Variants in ELMO1 observed in about 807,000 individuals in gnomAD.
ELMO1 encodes engulfment and cell motility 1.
In ELMO1, 26 loss-of-function variants were observed where a neutral mutation model predicts 98.9. The ratio of observed to expected loss-of-function variants is 0.26; its 90% CI spans 0.19 to 0.36. The LOEUF (loss-of-function observed/expected upper bound fraction) is 0.36. Ranked by LOEUF, ELMO1 falls within the 10% of genes least tolerant of loss-of-function variation. The probability of loss-of-function intolerance (pLI) is 1.00; values close to 1 mark genes in which losing one functional copy is unlikely to be tolerated. For missense variants in ELMO1, 627 were observed against 935.2 expected (o/e 0.67, Z 4.30); for synonymous variants, 346 against 346.0 (o/e 1.00, Z 0.00).
At chr7:37,413,953 G>A (rs1339429641) in intron 1 of ELMO1, among the ~76,000 whole-genome samples, 1 of 152,076 alleles carries the variant, frequency 6.6e-6, no homozygotes, top group Non-Finnish European at 1.5e-5. Flanking sequence ...GCTGGGATTA[G>A]GGATGTTAGC....
intron 16 of ELMO1, among the ~76,000 whole-genome samples, chr7:36,937,702 G>A (rs1366173511): frequency 6.6e-6 from 1 of 152,204 alleles, no homozygotes; most frequent in Non-Finnish European, 1.5e-5. Flanking sequence ...AATAGTGTAT[G>A]CTACTGCTAA....
Position 36,928,871 on chromosome 7 carries a change from C to A in ELMO1, c.1438-33854G>T, listed in dbSNP as rs147747904. Among the ~76,000 whole-genome samples, 404 of 152,290 alleles carry A rather than the reference C, an allele frequency of 2.7e-3. 2 individuals carry two copies. The highest frequency in any genetic ancestry group is 9.2e-3 in the African/African-American group (382 of 41,562). ...GAATGTACTAAAGTGTGGCATATGA[C>A]ACACAAAGAGCTGCACAGCACGTGC... is the stretch of plus-strand genomic sequence containing the variant. On this transcript the variant is annotated intron_variant, in intron 16 of 21. Transcript: ENST00000310758.
At chr7:36,927,381 T>G (rs1002777594) in intron 16 of ELMO1, among the ~76,000 whole-genome samples, 5 of 152,214 alleles carry the variant, frequency 3.3e-5, no homozygotes, top group Admixed American at 2.6e-4. Context: ...TTCTCGAACT[T>G]GTTGGGCGAC....
At chr7:37,316,858 T>G (rs1364100474) in intron 2 of ELMO1, among the ~76,000 whole-genome samples, 1 of 152,062 alleles carries the variant, frequency 6.6e-6, no homozygotes, top group East Asian at 1.9e-4. Flanking sequence ...TATAAGCAGG[T>G]TTTACTCCTG....
At chr7:37,064,266 C>A (rs79393704) in intron 15 of ELMO1, among the ~76,000 whole-genome samples, 1 of 152,164 alleles carries the variant, frequency 6.6e-6, no homozygotes, top group Non-Finnish European at 1.5e-5. Context: ...CATTGACTCC[C>A]CTCATGCTAG....
intron 1 of ELMO1, among the ~76,000 whole-genome samples, chr7:37,362,299 G>C (rs1801730773): frequency 6.6e-6 from 1 of 151,938 alleles, no homozygotes; most frequent in South Asian, 2.1e-4. Flanking sequence ...TATGCTTCTA[G>C]GTATTGAGCA....
intron 2 of ELMO1, among the ~76,000 whole-genome samples, chr7:37,325,816 G>C (rs76109828): frequency 0.022 from 3,341 of 152,314 alleles, 119 homozygotes; most frequent in African/African-American, 0.075. Context: ...ACACCACTGA[G>C]AGAGGATAGC....
At chr7:36,899,494 G>A (rs938419257) in intron 16 of ELMO1, among the ~76,000 whole-genome samples, 5 of 152,060 alleles carry the variant, frequency 3.3e-5, no homozygotes, top group Admixed American at 1.3e-4. Context: ...CTTCAAGCAT[G>A]AAAGAAAACA....
At chr7:37,247,177 T>C (rs1795058907) in intron 6 of ELMO1, among the ~76,000 whole-genome samples, 1 of 152,206 alleles carries the variant, frequency 6.6e-6, no homozygotes. Flanking sequence ...ATTTGAAGCA[T>C]ACACATAGAC....
At chr7:36,892,816 T>C (rs2129053966) in intron 17 of ELMO1, among the ~76,000 whole-genome samples, 1 of 152,322 alleles carries the variant, frequency 6.6e-6, no homozygotes, top group East Asian at 1.9e-4. Context: ...TTTGTGACTT[T>C]GCTGCAGCTA....
chr7:37,027,716 G>A (rs1794659572), intron 15 of ELMO1, among the ~76,000 whole-genome samples: 1 of 152,112 alleles, frequency 6.6e-6, no homozygotes, highest in Non-Finnish European at 1.5e-5. Flanking sequence ...AAGGTTGTGA[G>A]TGGAACACAG....
intron 6 of ELMO1, among the ~76,000 whole-genome samples, chr7:37,251,593 A>C (rs1795351663): frequency 1.3e-5 from 2 of 152,192 alleles, no homozygotes; most frequent in African/African-American, 2.4e-5. Flanking sequence ...AAATAATAAG[A>C]GCTATTTATG....
chr7:37,217,683 C>G (rs183042497), intron 10 of ELMO1: 1 of 456,768 alleles, frequency 2.2e-6, no homozygotes, highest in Non-Finnish European at 4.4e-6. Flanking sequence ...GCCCACTTTA[C>G]GCTAACAAAG....
intron 4 of ELMO1, among the ~76,000 whole-genome samples, chr7:37,313,994 A>G (rs1427107358): frequency 1.3e-5 from 2 of 152,218 alleles, no homozygotes; most frequent in Non-Finnish European, 2.9e-5. Context: ...ACTGGCTCAT[A>G]TGCATTTCAG....
chr7:37,275,312 C>T (rs185526891), intron 4 of ELMO1, among the ~76,000 whole-genome samples: 2 of 152,360 alleles, frequency 1.3e-5, no homozygotes, highest in African/African-American at 4.8e-5. Context: ...AAAAGTTCCG[C>T]ATTGGCCTCT....
intron 2 of ELMO1, among the ~76,000 whole-genome samples, chr7:37,317,341 T>C (rs1799238834): frequency 6.6e-6 from 1 of 152,204 alleles, no homozygotes; most frequent in African/African-American, 2.4e-5. Context: ...CAGAAGAATG[T>C]CTGTCTTCGC....
chr7:37,229,337 C>T (rs548709743), intron 8 of ELMO1, among the ~76,000 whole-genome samples: 9 of 151,990 alleles, frequency 5.9e-5, no homozygotes, highest in African/African-American at 1.2e-4. Flanking sequence ...CCTAAGTAGC[C>T]GAGTCTTTAA....
At chr7:36,927,565 T>C (rs190163161) in intron 16 of ELMO1, among the ~76,000 whole-genome samples, 222 of 152,312 alleles carry the variant, frequency 1.5e-3, no homozygotes, top group South Asian at 3.1e-3. Flanking sequence ...CACCAAGAAG[T>C]AAGCTATAAT....
In ELMO1 at chr7:37,125,397, G is replaced by A. The variant is rs570497216; in HGVS notation, c.1191+7733C>T. Among the ~76,000 whole-genome samples, 153 of 152,110 alleles carry A rather than the reference G, an allele frequency of 1.0e-3. 1 individual carries two copies. The highest frequency in any genetic ancestry group is 3.4e-3 in the African/African-American group (143 of 41,482). ...TTTGCAATCTACTCATCTGACAAAG[G>A]GCTAATATCCAGAATCTACAAAGAA... is the stretch of plus-strand genomic sequence containing the variant. On this transcript the variant is annotated intron_variant, in intron 14 of 21. Transcript: ENST00000310758.
Sources: allele counts gnomAD v4.1 joint callset (sites outside exome capture counted in the v4.1 genomes callset), GRCh38; gene constraint gnomAD v4.1.1; transcripts MANE v1.5; gene names NCBI Gene and HGNC (gene_info 2026-07-23, HGNC 2026-07-21).